The following CA11 variants were observed in gnomAD, a reference collection of about 807,000 sequenced individuals.
The protein encoded by CA11 is carbonic anhydrase-related protein 11.
A neutral mutation model predicts 39.3 loss-of-function variants in CA11; 20 were observed. The observed-to-expected ratio is 0.51, with a 90% CI of 0.36 to 0.74. The LOEUF (loss-of-function observed/expected upper bound fraction) is 0.74. CA11 is among the 30% of genes least tolerant of loss of function. CA11 has a pLI of 0.00. For synonymous variants in CA11, 166 were observed against 172.5 expected, an observed-to-expected ratio of 0.96 and a Z score of 0.29; for missense variants, 336 against 424.6, an observed-to-expected ratio of 0.79 and a Z score of 1.83.
Position 48,639,630 on chromosome 19 carries a change from G to A in CA11, c.568-9C>T. The A allele has an allele frequency of 1.9e-6, 3 of 1,613,652 alleles. No homozygotes were observed. Among genetic ancestry groups the A allele is most frequent in the Non-Finnish European group, 2.5e-6 (3 of 1,179,810 alleles). On this transcript the variant is annotated splice_polypyrimidine_tract_variant and intron_variant, in intron 5 of 8. Transcript: ENST00000084798. ...TTAGAGGTACTGGCAACCTGTGTGGGGGTACGAGGTGAGGACACAGGAGCC... is the reference window on the plus strand; with the variant it reads ...TTAGAGGTACTGGCAACCTGTGTGGAGGTACGAGGTGAGGACACAGGAGCC...
At chr19:48,639,909 C>A (rs1231719133) in intron 4 of CA11, 26 bp from the exon 5 acceptor site, 1 of 1,599,738 alleles carries the variant, frequency 6.3e-7, no homozygotes, top group African/African-American at 1.3e-5. Flanking sequence ...AGCATGGGGT[C>A]CCCCAGCAGA....
chr19:48,639,369 G>T lies in CA11; in HGVS notation c.731C>A (p.Pro244Gln). The T allele has an allele frequency of 6.2e-7, 1 of 1,613,754 alleles. No individual in the cohort carries two copies. The highest frequency in any genetic ancestry group is 1.1e-5 in the South Asian group (1 of 91,080). Residue 244 changes from proline (P) to glutamine (Q), a missense_variant, in exon 7 of 9, where the codon CCG (proline) becomes CAG (glutamine). Transcript: ENST00000084798. ...FITYQGSLST[P>Q]PCSETVTWIL... ...CCAGGTGACAGTCTCGGAGCAGGGCGGGGTGCTGAGAGAGCCCTGATAGGT... is the reference window on the plus strand; with the variant it reads ...CCAGGTGACAGTCTCGGAGCAGGGCTGGGTGCTGAGAGAGCCCTGATAGGT...
In CA11 at chr19:48,638,295, T is replaced by G. The variant is rs947309699; in HGVS notation, c.962-151A>C. On this transcript the variant is annotated intron_variant, in intron 8 of 8. Transcript: ENST00000084798. ...TGTACTAGGTCGAGAAGCACTGGGC[T>G]GAACCACAAGAAGCCAATAGGAGGG... The G allele has an allele frequency of 3.6e-6, 4 of 1,125,342 alleles. No homozygotes were observed. In the South Asian group the frequency reaches 1.2e-4, roughly 32 times the overall value. 69.7% of individuals were successfully genotyped at this position (1,125,342 alleles called of 1,614,324 possible).
chr19:48,638,847 G>T, intron 8 of CA11, 41 bp downstream of exon 8: 5 of 1,514,598 alleles, frequency 3.3e-6, no homozygotes, highest in Non-Finnish European at 4.4e-6. Flanking sequence ...CATATAAGAG[G>T]GTTAGCCCAA....
At chr19:48,645,277 G>A (rs1377282797) in intron 2 of CA11, 126 bp downstream of exon 2, 1 of 782,122 alleles carries the variant, frequency 1.3e-6, no homozygotes, top group Non-Finnish European at 2.1e-6. Flanking sequence ...CGACTCCTGA[G>A]GGACAGAGGA....
At chr19:48,641,720 C>T (rs865988944) in intron 3 of CA11, among the ~76,000 whole-genome samples, 17 of 152,056 alleles carry the variant, frequency 1.1e-4, no homozygotes, top group African/African-American at 3.9e-4. Context: ...TCACAGCTCA[C>T]TGCAGCCTCA....
chr19:48,638,163 C>A lies in CA11; in HGVS notation c.962-19G>T. On this transcript the variant is annotated intron_variant, in intron 8 of 8. Coordinates refer to ENST00000084798, the MANE Select transcript of CA11 (RefSeq NM_001217.5). ...CCATCCACTGTAAGACAGAGAACAA[C>A]GGCAGGGGGCGTCAGTATAGGATGG... is the stretch of plus-strand genomic sequence containing the variant. 1.6e-6 allele frequency: 2 copies of A among 1,278,130 alleles called. No homozygotes were observed. The highest frequency in any genetic ancestry group is 2.0e-6 in the Non-Finnish European group (2 of 999,114). The allele number at this position is 1,278,130 out of a possible 1,614,324, so 79.2% of individuals were successfully genotyped here.
At position 48,640,269 on chromosome 19, in the gene CA11, G is replaced by A; in HGVS notation, c.297C>T (p.Thr99=). The change falls in exon 4 of 9, where the codon ACC becomes ACT. Residue 99 remains threonine (T), a synonymous_variant. Transcript: ENST00000084798. ...AGACATGTCGGCCGGTGTTGTACAA[G>A]GTTCCCCGGAGCTGTGGGAGAGGCG... The part of the protein sequence containing the change: ...LSTGGEKLRG[T]LYNTGRHVSF... 1.2e-6 allele frequency: 2 copies of A among 1,613,564 alleles called. No homozygotes were observed. Among genetic ancestry groups the A allele is most frequent in the Non-Finnish European group, 1.7e-6 (2 of 1,179,850 alleles).
rs965397520 is a variant in CA11 at position 48,643,322 on chromosome 19, G to A, written c.285+1105C>T. On this transcript the variant is annotated intron_variant, in intron 3 of 8. Transcript: ENST00000084798. The surrounding 1 kb of genome is among the most constrained non-coding windows in gnomAD (Gnocchi z 4.3). The stretch of plus-strand genomic sequence containing the variant: ...CCTCCCGGGTTCAAGCAATTCTCCT[G>A]CCTCAGCCTCTCAAGTAGCTGGGAT... 6.6e-6 allele frequency among the ~76,000 whole-genome samples: 1 copy of A among 152,160 alleles called. No individual in the cohort carries two copies. The highest frequency in any genetic ancestry group is 1.5e-5 in the Non-Finnish European group (1 of 68,044).
At chr19:48,644,634 A>G (rs2031191925) in intron 2 of CA11, 65 bp from the exon 3 acceptor site, 2 of 1,375,822 alleles carry the variant, frequency 1.5e-6, no homozygotes, top group Non-Finnish European at 9.7e-7. Context: ...CAGGGCTGGT[A>G]TCTGCTGAGT....
At chr19:48,641,857 T>C (rs1408700744) in intron 3 of CA11, among the ~76,000 whole-genome samples, 3 of 136,462 alleles carry the variant, frequency 2.2e-5, no homozygotes, top group Admixed American at 7.8e-5. Flanking sequence ...GTAGAGAGGG[T>C]TCTCCCTATG....
intron 2 of CA11, among the ~76,000 whole-genome samples, 158 bp from the exon 3 acceptor site, chr19:48,644,727 G>T (rs2031194031): frequency 6.6e-6 from 1 of 152,146 alleles, no homozygotes; most frequent in African/African-American, 2.4e-5. Flanking sequence ...ACTGGGCTCA[G>T]ATCCAGAATT....
intron 8 of CA11, 50 bp from the exon 9 acceptor site, chr19:48,638,194 G>A (rs2030905529): frequency 8.4e-7 from 1 of 1,191,462 alleles, no homozygotes; most frequent in African/African-American, 1.6e-5. Context: ...GATGGAAGGG[G>A]CGGGGGGTGT....
At chr19:48,638,205 G>T in intron 8 of CA11, 61 bp from the exon 9 acceptor site, 2 of 1,161,440 alleles carry the variant, frequency 1.7e-6, no homozygotes, top group Non-Finnish European at 2.2e-6. Context: ...CGGGGGGTGT[G>T]CAGGGGGCGT....
Position 48,645,597 on chromosome 19 carries a change from C to G in CA11, c.36G>C (p.Ala12=), listed in dbSNP as rs771947207. The G allele has an allele frequency of 1.2e-6, 2 of 1,603,996 alleles. No homozygotes were observed. The change falls in exon 1 of 9, where the codon GCG becomes GCC. Residue 12 remains alanine (A), a synonymous_variant. Transcript: ENST00000084798. ...GAAARLSAPR[A]LVLWAALGAA... ...CCCCCAGTGCAGCCCAGAGTACCAG[C>G]GCTCGAGGGGCGCTCAGACGAGCTG... is the stretch of plus-strand genomic sequence containing the variant.
At chr19:48,641,104 C>T (rs1397461286) in intron 3 of CA11, among the ~76,000 whole-genome samples, 2 of 151,620 alleles carry the variant, frequency 1.3e-5, no homozygotes, top group African/African-American at 2.4e-5. Context: ...CTCAGGCTCC[C>T]GAGTAGCTGG....
Position 48,645,554 on chromosome 19 carries a change from C to G in CA11, c.67+12G>C. ...TCCCTCGGGGGCTCCTCCCGGGAACCCCAGGTCTTACCTGCTGCCCCCAGT... is the reference window on the plus strand; with the variant it reads ...TCCCTCGGGGGCTCCTCCCGGGAACGCCAGGTCTTACCTGCTGCCCCCAGT... On this transcript the variant is annotated intron_variant, in intron 1 of 8. Coordinates refer to ENST00000084798, the MANE Select transcript of CA11 (RefSeq NM_001217.5). The G allele has an allele frequency of 6.2e-7, 1 of 1,602,894 alleles. No homozygotes were observed. The highest frequency in any genetic ancestry group is 1.1e-5 in the South Asian group (1 of 89,188).
Position 48,639,467 on chromosome 19 carries a change from A to C in CA11, c.641-8T>G. 6.2e-7 allele frequency: 1 copy of C among 1,613,896 alleles called. No individual in the cohort carries two copies. The highest frequency in any genetic ancestry group is 8.5e-7 in the Non-Finnish European group (1 of 1,179,936). On this transcript the variant is annotated splice_polypyrimidine_tract_variant and splice_region_variant and intron_variant, in intron 6 of 8. Coordinates refer to ENST00000084798, the MANE Select transcript of CA11 (RefSeq NM_001217.5). ...GAAGAAAGTAGGCATCATCTGCGGG[A>C]ATATCAGGCCAGAGTAAAGAGGGAT...
rs766042493 is a variant in CA11, at chr19:48,639,617, G to A, written c.572C>T (p.Ala191Val). ...LAILSLFVNV[A>V]STSNPFLSRL... is the part of the protein sequence containing the mutation. ...ACTGAGGAATGGGTTAGAGGTACTG[G>A]CAACCTGTGTGGGGGTACGAGGTGA... The change falls in exon 6 of 9, where the codon GCC (alanine) becomes GTC (valine). Residue 191 changes from alanine to valine, a missense_variant. Transcript: ENST00000084798. 3 of 1,613,898 alleles carry A rather than the reference G, an allele frequency of 1.9e-6. No homozygotes were observed. Among genetic ancestry groups the A allele is most frequent in the Non-Finnish European group, 1.7e-6 (2 of 1,179,926 alleles).
Sources: allele counts gnomAD v4.1 joint callset (sites outside exome capture counted in the v4.1 genomes callset), GRCh38; gene constraint gnomAD v4.1.1; non-coding constraint Gnocchi (gnomAD v3.1); transcripts MANE v1.5; gene names NCBI Gene and HGNC (gene_info 2026-07-23, HGNC 2026-07-21).